The following ZNF469 variants were observed in gnomAD, a reference collection of about 807,000 sequenced individuals.
The protein encoded by ZNF469 is zinc finger protein 469.
In ZNF469, 1 loss-of-function variant was observed where a neutral mutation model predicts 1.0. That is an observed-to-expected ratio of 1.00 (90% CI 0.35 to 4.73). The LOEUF is 4.73. Ranked by LOEUF, ZNF469 falls within the 30% of genes most tolerant of loss-of-function variation. The probability of loss-of-function intolerance (pLI) is 0.16; values close to 1 mark genes in which losing one functional copy is unlikely to be tolerated. For synonymous variants in ZNF469, 2,703 were observed against 2,363.4 expected, an observed-to-expected ratio of 1.14 and a Z score of -4.17; for missense variants, 6,100 against 5,356.3, an observed-to-expected ratio of 1.14 and a Z score of -4.33.
Position 88,438,916 on chromosome 16 carries a change from A to C in ZNF469, c.11446A>C (p.Lys3816Gln). The change falls in exon 3 of 3, where the codon AAG (lysine) becomes CAG (glutamine). Residue 3816 changes from lysine to glutamine, a missense_variant. Coordinates refer to ENST00000565624, the MANE Select transcript of ZNF469 (RefSeq NM_001367624.2). ...CAAGGAGAAGGGAGAGAGCAGTACG[A>C]AGAGGAAAAAGGGCCAGGTCCCAGG... ...GPKEKGESST[K>Q]RKKGQVPGPA... The C allele has an allele frequency of 6.4e-7, 1 of 1,550,570 alleles. No homozygotes were observed. Among genetic ancestry groups the C allele is most frequent in the South Asian group, 1.2e-5 (1 of 84,064 alleles).
the ZNF469 span, among the ~76,000 whole-genome samples, chr16:88,130,049 A>G: frequency 4.6e-5 from 7 of 152,238 alleles, no homozygotes; most frequent in Non-Finnish European, 7.4e-5. Context: ...GTGAAAAACC[A>G]TTTCTAGATC....
chr16:88,108,765 C>T, the ZNF469 span, among the ~76,000 whole-genome samples: 1 of 152,202 alleles, frequency 6.6e-6, no homozygotes, highest in African/African-American at 2.4e-5. Context: ...TCATCATGGG[C>T]ACCAATAGCT....
the ZNF469 span, among the ~76,000 whole-genome samples, chr16:88,214,166 C>T: frequency 6.6e-6 from 1 of 152,198 alleles, no homozygotes; most frequent in Non-Finnish European, 1.5e-5. Context: ...TGAATTAATA[C>T]AAGGGAAAGC....
At position 88,429,243 on chromosome 16, in the gene ZNF469, C is replaced by T. The variant is rs764574730; in HGVS notation, c.1773C>T (p.Ser591=). The T allele has an allele frequency of 1.4e-5, 21 of 1,549,796 alleles. No individual in the cohort carries two copies. In the South Asian group the frequency reaches 1.5e-4, roughly 11 times the overall value. ...PRVVGASPSE[S]PLPSPATNTA... Reference sequence around the variant, plus strand: ...TAGTGGGAGCCTCCCCCAGCGAGTCCCCACTGCCGTCACCGGCCACCAACA... The same window carrying T: ...TAGTGGGAGCCTCCCCCAGCGAGTCTCCACTGCCGTCACCGGCCACCAACA... Residue 591 remains serine (S), a synonymous_variant, in exon 3 of 3, where the codon TCC becomes TCT. Transcript: ENST00000565624.
chr16:88,391,695 G>A (rs73248002), intron 1 of ZNF469, among the ~76,000 whole-genome samples: 62 of 152,340 alleles, frequency 4.1e-4, no homozygotes, highest in African/African-American at 1.4e-3. Context: ...GCAAGCACCC[G>A]ACACATCTTC....
At chr16:88,113,946 G>C in the ZNF469 span, among the ~76,000 whole-genome samples, 1 of 152,182 alleles carries the variant, frequency 6.6e-6, no homozygotes, top group Admixed American at 6.5e-5. Flanking sequence ...TCCTGCCAGG[G>C]CCGCACTGGG....
chr16:88,115,463 C>T, the ZNF469 span, among the ~76,000 whole-genome samples: 78 of 152,144 alleles, frequency 5.1e-4, no homozygotes, highest in African/African-American at 1.8e-3. Context: ...GCACAGTGCA[C>T]ATGACCCGGT....
chr16:88,162,828 A>G, the ZNF469 span, among the ~76,000 whole-genome samples: 2 of 152,212 alleles, frequency 1.3e-5, no homozygotes, highest in African/African-American at 2.4e-5. Flanking sequence ...TTTTGTGTTA[A>G]TTATTCACTC....
chr16:88,307,674 C>T, the ZNF469 span, among the ~76,000 whole-genome samples: 1 of 152,168 alleles, frequency 6.6e-6, no homozygotes, highest in Admixed American at 6.5e-5. Flanking sequence ...ACCCTTCACC[C>T]CATTTTTAGT....
chr16:88,251,230 C>T, the ZNF469 span, among the ~76,000 whole-genome samples: 2 of 152,200 alleles, frequency 1.3e-5, no homozygotes, highest in Non-Finnish European at 2.9e-5. Context: ...ACATTTATAA[C>T]ATCTCATTTG....
At chr16:88,365,169 C>G in the ZNF469 span, among the ~76,000 whole-genome samples, 5 of 152,220 alleles carry the variant, frequency 3.3e-5, no homozygotes, top group Non-Finnish European at 7.3e-5. Flanking sequence ...GCTGAGTAAT[C>G]TCGAGCAGAC....
the ZNF469 span, among the ~76,000 whole-genome samples, chr16:88,306,332 G>A: frequency 3.0e-4 from 46 of 152,380 alleles, no homozygotes; most frequent in Non-Finnish European, 5.3e-4. Context: ...GCTGAGGGAC[G>A]TGCCCTGCCT....
chr16:88,208,803 A>ACACACACACACACACACACTCT, the ZNF469 span, among the ~76,000 whole-genome samples: 1 of 123,564 alleles, frequency 8.1e-6, no homozygotes, highest in African/African-American at 3.1e-5. Context: ...ACACACACAC[A>ACACACACACACACACACACTCT]CTCTCTCTCT....
chr16:88,324,854 T>C, the ZNF469 span, among the ~76,000 whole-genome samples: 1 of 152,140 alleles, frequency 6.6e-6, no homozygotes, highest in Non-Finnish European at 1.5e-5. Context: ...TGCACTGCTA[T>C]AGAGAAATAC....
the ZNF469 span, among the ~76,000 whole-genome samples, chr16:88,236,787 A>C: frequency 6.6e-6 from 1 of 151,954 alleles, no homozygotes; most frequent in Admixed American, 6.6e-5. Flanking sequence ...GAATCGCTTG[A>C]ACCTGGGAGG....
At chr16:88,361,887 C>A in the ZNF469 span, among the ~76,000 whole-genome samples, 1 of 152,164 alleles carries the variant, frequency 6.6e-6, no homozygotes, top group Non-Finnish European at 1.5e-5. Flanking sequence ...TACAGATACC[C>A]AGTTGTGCCT....
At chr16:88,122,310 C>T in the ZNF469 span, among the ~76,000 whole-genome samples, 4 of 151,802 alleles carry the variant, frequency 2.6e-5, no homozygotes, top group African/African-American at 4.8e-5. Context: ...CCTTGGATCA[C>T]ACTCTGTCAC....
At chr16:88,158,492 C>T in the ZNF469 span, among the ~76,000 whole-genome samples, 1 of 152,158 alleles carries the variant, frequency 6.6e-6, no homozygotes, top group Non-Finnish European at 1.5e-5. Flanking sequence ...AGTGGAAGCA[C>T]CACCTGCCAC....
the ZNF469 span, among the ~76,000 whole-genome samples, chr16:88,271,907 G>A: frequency 2.3e-4 from 35 of 152,116 alleles, no homozygotes; most frequent in South Asian, 7.2e-3. Flanking sequence ...ATGGACAGAT[G>A]GATGGATGGG....
Sources: allele counts gnomAD v4.1 joint callset (sites outside exome capture counted in the v4.1 genomes callset), GRCh38; gene constraint gnomAD v4.1.1; transcripts MANE v1.5; gene names NCBI Gene and HGNC (gene_info 2026-07-23, HGNC 2026-07-21).